The following PRR19 variants were observed in gnomAD, a reference collection of about 807,000 sequenced individuals.
PRR19 encodes proline-rich protein 19.
A neutral mutation model predicts 19.2 loss-of-function variants in PRR19; 9 were observed. That is an observed-to-expected ratio of 0.47 (90% CI 0.28 to 0.82). The LOEUF (loss-of-function observed/expected upper bound fraction) is 0.82. Ranked by LOEUF, PRR19 falls within the 40% of genes least tolerant of loss-of-function variation. The pLI, the probability that PRR19 is intolerant of heterozygous loss-of-function variation, is 0.11. For synonymous variants in PRR19, 190 were observed against 191.0 expected (o/e 0.99, Z 0.04); for missense variants, 457 against 466.0 (o/e 0.98, Z 0.18).
At chr19:42,302,525 CG>C (rs1325988453) in intron 1 of PRR19, 22 bp downstream of exon 1, 2 of 528,150 alleles carry the variant, frequency 3.8e-6, no homozygotes, top group African/African-American at 3.9e-5. Context: ...CAGGAACCTT[CG>C]CTTCCCCCAC....
At position 42,310,555 on chromosome 19, in the gene PRR19, C is replaced by T. The variant is rs148094328; in HGVS notation, c.886C>T (p.Pro296Ser). 168 of 1,614,200 alleles carry T rather than the reference C, an allele frequency of 1.0e-4. No homozygotes were observed. In the African/African-American group the frequency reaches 2.1e-3, roughly 20 times the overall value. Residue 296 changes from proline (P) to serine (S), a missense_variant, in exon 3 of 3, where the codon CCC becomes TCC. Physicochemically the swap from Pro to Ser is moderately conservative, Grantham distance 74. Transcript: ENST00000341747. ...AAGCATCTGGCTGGTAGCCACGCCACCCCCTCCTCGGCCCTGGGGGGTTGG... is the reference window on the plus strand; with the variant it reads ...AAGCATCTGGCTGGTAGCCACGCCATCCCCTCCTCGGCCCTGGGGGGTTGG... The part of the protein sequence containing the change: ...LKSIWLVATP[P>S]PPRPWGVGLP...
Position 42,310,417 on chromosome 19 carries a change from G to A in PRR19, c.748G>A (p.Ala250Thr), listed in dbSNP as rs1329111283. ...GCCCTACACCTCCAGCATGCCCACTGCGCACAGGGGGAGTCTGGCACCGCC... is the reference window on the plus strand; with the variant it reads ...GCCCTACACCTCCAGCATGCCCACTACGCACAGGGGGAGTCTGGCACCGCC... ...PMPYTSSMPT[A>T]HRGSLAPPRG... The change falls in exon 3 of 3, where the codon GCG becomes ACG. Residue 250 changes from alanine to threonine, a missense_variant. Transcript: ENST00000341747. 8 of 1,614,180 alleles carry A rather than the reference G, an allele frequency of 5.0e-6. No homozygotes were observed. Among genetic ancestry groups the A allele is most frequent in the South Asian group, 4.4e-5 (4 of 91,088 alleles).
Position 42,309,670 on chromosome 19 carries a change from G to C in PRR19, c.86G>C (p.Arg29Pro), listed in dbSNP as rs771464186. Residue 29 changes from arginine to proline, a missense_variant, in exon 2 of 3, where the codon CGT becomes CCT. Transcript: ENST00000341747. ...CGTCGTCGGAAGACTAGGCGGGAAC[G>C]TAACAAGGCCCTGGTGGGCAGCCGC... is the stretch of plus-strand genomic sequence containing the variant. Reference protein sequence around the residue: ...RVRRRKTRRERNKALVGSRRP... With the variant: ...RVRRRKTRREPNKALVGSRRP... 1.3e-6 allele frequency: 2 copies of C among 1,596,340 alleles called. No individual in the cohort carries two copies. Among genetic ancestry groups the C allele is most frequent in the African/African-American group, 2.7e-5 (2 of 74,634 alleles).
rs768909295 is a variant in PRR19, at chr19:42,302,284, C to T, written c.-226C>T. On this transcript the variant is annotated 5_prime_UTR_variant, in exon 1 of 3. Coordinates refer to ENST00000341747, the MANE Select transcript of PRR19 (RefSeq NM_199285.3). ...TACGTCCTGCACCGGCGTGGGCTTG[C>T]TGGCTGGGTTCTCCTCTCCACTCAT... 1.9e-6 allele frequency: 3 copies of T among 1,606,634 alleles called. No individual in the cohort carries two copies.
chr19:42,306,420 A>G (rs2038707292), intron 1 of PRR19, among the ~76,000 whole-genome samples: 1 of 151,730 alleles, frequency 6.6e-6, no homozygotes, highest in Non-Finnish European at 1.5e-5. Flanking sequence ...TGATCCGCCC[A>G]CCTCGGCCTC....
In PRR19 at chr19:42,302,428, C is replaced by A; in HGVS notation, c.-82C>A. 1 of 871,352 alleles carries A rather than the reference C, an allele frequency of 1.1e-6. No homozygotes were observed. The highest frequency in any genetic ancestry group is 1.7e-6 in the Non-Finnish European group (1 of 577,508). 54.0% of individuals were successfully genotyped at this position (871,352 alleles called of 1,614,324 possible). ...GCGGCAACAAAGGACCGTCCCAACGCTAGCACACCCGCGGAGGACGAAGGC... is the reference window on the plus strand; with the variant it reads ...GCGGCAACAAAGGACCGTCCCAACGATAGCACACCCGCGGAGGACGAAGGC... On this transcript the variant is annotated 5_prime_UTR_variant, in exon 1 of 3. Transcript: ENST00000341747.
In PRR19 at chr19:42,302,517, G is replaced by A; in HGVS notation, c.-7+14G>A. 5.5e-6 allele frequency: 3 copies of A among 542,594 alleles called. No homozygotes were observed. The allele number at this position is 542,594 out of a possible 1,614,324, so 33.6% of individuals were successfully genotyped here. ...TTCACTTAGGAGGTAGGTGGAATCA[G>A]GAACCTTCGCTTCCCCCACGACGGC... On this transcript the variant is annotated intron_variant, in intron 1 of 2. Coordinates refer to ENST00000341747, the MANE Select transcript of PRR19 (RefSeq NM_199285.3).
In PRR19 at chr19:42,309,648, C is replaced by T. The variant is rs751389491; in HGVS notation, c.64C>T (p.Arg22Cys). The T allele has an allele frequency of 7.6e-6, 12 of 1,569,112 alleles. No individual in the cohort carries two copies. Among genetic ancestry groups the T allele is most frequent in the Middle Eastern group, 1.7e-4 (1 of 5,842 alleles). ...GCCTGAGAAACCTGGTCGTGTCCGT[C>T]GTCGGAAGACTAGGCGGGAACGTAA... The part of the protein sequence containing the change: ...QQPEKPGRVR[R>C]RKTRRERNKA... Residue 22 changes from arginine (R) to cysteine (C), a missense_variant, in exon 2 of 3, where the codon CGT becomes TGT. Arg to Cys is a radical substitution (Grantham distance 180). Coordinates refer to ENST00000341747, the MANE Select transcript of PRR19 (RefSeq NM_199285.3).
chr19:42,303,641 T>C (rs1434070448), intron 1 of PRR19: 1 of 152,258 alleles, frequency 6.6e-6, no homozygotes, highest in African/African-American at 2.4e-5. Flanking sequence ...ATTGTGTTTA[T>C]GTTTTCAATC....
chr19:42,310,395 C>G lies in PRR19; in HGVS notation c.726C>G (p.Pro242=), dbSNP rs1439664225. 2 of 1,614,198 alleles carry G rather than the reference C, an allele frequency of 1.2e-6. No individual in the cohort carries two copies. The highest frequency in any genetic ancestry group is 2.7e-5 in the African/African-American group (2 of 75,048). The change falls in exon 3 of 3, where the codon CCC becomes CCG. Residue 242 remains proline (P), a synonymous_variant. Transcript: ENST00000341747. The part of the protein sequence containing the change: ...QGTKEFTFPM[P]YTSSMPTAHR... ...CAAAGGAGTTCACCTTCCCCATGCCCTACACCTCCAGCATGCCCACTGCGC... is the reference window on the plus strand; with the variant it reads ...CAAAGGAGTTCACCTTCCCCATGCCGTACACCTCCAGCATGCCCACTGCGC...
At chr19:42,305,124 G>A (rs543881196) in intron 1 of PRR19, among the ~76,000 whole-genome samples, 152 of 151,742 alleles carry the variant, frequency 1.0e-3, no homozygotes, top group South Asian at 2.7e-3. Context: ...CAGGAGAATC[G>A]CTTGAACCCG....
rs780246985 is a variant in PRR19 at position 42,310,792 on chromosome 19, T to C, written c.*52T>C. On this transcript the variant is annotated 3_prime_UTR_variant, in exon 3 of 3. Coordinates refer to ENST00000341747, the MANE Select transcript of PRR19 (RefSeq NM_199285.3). ...CAGATATCTTGTACTCCCAGTGACCTCAATAAAGTACTTTTCATGGTCCTC... is the reference window on the plus strand; with the variant it reads ...CAGATATCTTGTACTCCCAGTGACCCCAATAAAGTACTTTTCATGGTCCTC... 1 of 1,236,042 alleles carries C rather than the reference T, an allele frequency of 8.1e-7. No homozygotes were observed. Among genetic ancestry groups the C allele is most frequent in the South Asian group, 1.5e-5 (1 of 64,692 alleles). 76.6% of individuals were successfully genotyped at this position (1,236,042 alleles called of 1,614,324 possible). A position where few individuals can be genotyped will look rare whatever the true frequency, so the allele number is the denominator to read the frequency against.
intron 1 of PRR19, among the ~76,000 whole-genome samples, chr19:42,304,054 G>A (rs932113894): frequency 6.7e-6 from 1 of 149,898 alleles, no homozygotes; most frequent in Non-Finnish European, 1.5e-5. Context: ...TGACATGGTC[G>A]GATCACTTGA....
Position 42,302,142 on chromosome 19 carries a change from T to A in PRR19, c.-368T>A. ...TCCTCAACTGCCCTCAGTTTCCCAATCAGGTAGTGAGAGTGGCACGAACCA... is the reference window on the plus strand; with the variant it reads ...TCCTCAACTGCCCTCAGTTTCCCAAACAGGTAGTGAGAGTGGCACGAACCA... On this transcript the variant is annotated 5_prime_UTR_variant, in exon 1 of 3. Coordinates refer to ENST00000341747, the MANE Select transcript of PRR19 (RefSeq NM_199285.3). The A allele has an allele frequency of 6.7e-7, 1 of 1,491,832 alleles. No individual in the cohort carries two copies. Among genetic ancestry groups the A allele is most frequent in the Non-Finnish European group, 9.1e-7 (1 of 1,094,596 alleles). 92.4% of individuals were successfully genotyped at this position (1,491,832 alleles called of 1,614,324 possible). A position where few individuals can be genotyped will look rare whatever the true frequency, so the allele number is the denominator to read the frequency against.
chr19:42,310,475 T>G lies in PRR19; in HGVS notation c.806T>G (p.Leu269Arg). Reference sequence around the variant, plus strand: ...CCCTGGCCACCATACTTTCCCTCACTGTCTTCGCCATCTGGAACAGCCTGG... The same window carrying G: ...CCCTGGCCACCATACTTTCCCTCACGGTCTTCGCCATCTGGAACAGCCTGG... ...RGPWPPYFPS[L>R]SSPSGTAWGP... The change falls in exon 3 of 3, where the codon CTG (leucine) becomes CGG (arginine). Residue 269 changes from leucine to arginine, a missense_variant. Transcript: ENST00000341747. The G allele has an allele frequency of 6.2e-7, 1 of 1,614,212 alleles. No individual in the cohort carries two copies. Among genetic ancestry groups the G allele is most frequent in the Non-Finnish European group, 8.5e-7 (1 of 1,180,018 alleles).
At chr19:42,308,065 A>G (rs560348699) in intron 1 of PRR19, among the ~76,000 whole-genome samples, 13 of 151,804 alleles carry the variant, frequency 8.6e-5, no homozygotes, top group African/African-American at 2.9e-4. Context: ...CTCACCCTCC[A>G]TCTTTTAACT....
At position 42,309,640 on chromosome 19, in the gene PRR19, G is replaced by A. The variant is rs373194719; in HGVS notation, c.56G>A (p.Arg19His). ...TTTCAGCAGCCTGAGAAACCTGGTCGTGTCCGTCGTCGGAAGACTAGGCGG... is the reference window on the plus strand; with the variant it reads ...TTTCAGCAGCCTGAGAAACCTGGTCATGTCCGTCGTCGGAAGACTAGGCGG... Reference protein sequence around the residue: ...QPFQQPEKPGRVRRRKTRRER... With the variant: ...QPFQQPEKPGHVRRRKTRRER... Residue 19 changes from arginine to histidine, a missense_variant, in exon 2 of 3, where the codon CGT becomes CAT. By Grantham distance (29) the Arg-to-His change is conservative. Transcript: ENST00000341747. The A allele has an allele frequency of 9.0e-6, 14 of 1,557,738 alleles. No individual in the cohort carries two copies. The highest frequency in any genetic ancestry group is 4.1e-5 in the African/African-American group (3 of 73,334).
chr19:42,302,570 C>A (rs1228866895), intron 1 of PRR19, 67 bp downstream of exon 1: 7 of 438,822 alleles, frequency 1.6e-5, no homozygotes, highest in South Asian at 6.3e-5. Context: ...CGGCGCTTCC[C>A]GCTCGGGCCG....
intron 1 of PRR19, 101 bp downstream of exon 1, chr19:42,302,604 G>A (rs2038655597): frequency 5.1e-6 from 2 of 389,564 alleles, no homozygotes; most frequent in South Asian, 7.4e-5. Context: ...CGCGCACCCG[G>A]CACGGGGTGG....
Sources: gnomAD v4.1 joint callset for allele counts (sites outside exome capture counted in the v4.1 genomes callset) on GRCh38, gnomAD v4.1.1 for gene constraint, MANE v1.5 for transcripts, NCBI Gene and HGNC (gene_info 2026-07-23, HGNC 2026-07-21) for gene names.